Variants in ACTN2 observed in about 807,000 individuals in gnomAD.
ACTN2 encodes alpha-actinin-2.
A neutral mutation model predicts 113.8 loss-of-function variants in ACTN2; 39 were observed. The ratio of observed to expected loss-of-function variants is 0.34; its 90% CI spans 0.27 to 0.45. The LOEUF (loss-of-function observed/expected upper bound fraction) is 0.45. Ranked by LOEUF, ACTN2 falls within the 20% of genes least tolerant of loss-of-function variation. ACTN2 has a pLI of 1.00. For synonymous variants in ACTN2, 429 were observed against 444.1 expected (o/e 0.97, Z 0.43); for missense variants, 992 against 1,177.9 (o/e 0.84, Z 2.31).
intron 11 of ACTN2, among the ~76,000 whole-genome samples, chr1:236,743,795 A>G (rs528620394): frequency 1.3e-5 from 2 of 152,360 alleles, no homozygotes; most frequent in South Asian, 2.1e-4. Context: ...GTTCTGATGC[A>G]TAGCAGCTGT....
Position 236,754,026 on chromosome 1 carries a change from G to T in ACTN2, c.1919G>T (p.Arg640Leu). 1 of 1,614,088 alleles carries T rather than the reference G, an allele frequency of 6.2e-7. No homozygotes were observed. Among genetic ancestry groups the T allele is most frequent in the African/African-American group, 1.3e-5 (1 of 75,056 alleles). The change falls in exon 16 of 21, where the codon CGC (arginine) becomes CTC (leucine). Residue 640 changes from arginine (R) to leucine (L), a missense_variant. Around this residue, in one of 3 missense-constraint regions of ACTN2, gnomAD observed 736 missense variants for 815.4 expected, o/e 0.90. Coordinates refer to ENST00000366578, the MANE Select transcript of ACTN2 (RefSeq NM_001103.4). The surrounding 1 kb of genome is among the most constrained non-coding windows in gnomAD (Gnocchi z 4.9). ...CAGCATGCTAACGAGCGTCTGAGGC[G>T]CCAGTTTGCTGCCCAAGCCAATGCC... ...ARQHANERLR[R>L]QFAAQANAIG...
intron 1 of ACTN2, among the ~76,000 whole-genome samples, chr1:236,688,908 G>T (rs1665969280): frequency 6.6e-6 from 1 of 152,144 alleles, no homozygotes; most frequent in Non-Finnish European, 1.5e-5. Context: ...GATATGCTGG[G>T]TATGAGATCT....
Position 236,710,720 on chromosome 1 carries a change from A to G in ACTN2, c.127-7138A>G, listed in dbSNP as rs531795014. Among the ~76,000 whole-genome samples, 14 of 152,278 alleles carry G rather than the reference A, an allele frequency of 9.2e-5. No homozygotes were observed. In the East Asian group the frequency reaches 9.6e-4, roughly 10 times the overall value. On this transcript the variant is annotated intron_variant, in intron 1 of 20. Transcript: ENST00000366578. ...GCAGAAGCTGCTCCCCATTGCCCGA[A>G]TTACCACCTGAACTCCGCCTCCTGT...
intron 5 of ACTN2, among the ~76,000 whole-genome samples, chr1:236,727,413 T>G (rs951622101): frequency 2.0e-5 from 3 of 152,138 alleles, no homozygotes; most frequent in African/African-American, 7.2e-5. Flanking sequence ...TCTCCCTTCC[T>G]GTCACTGCCT....
At chr1:236,759,688 G>T (rs760353496) in intron 18 of ACTN2, 36 bp from the exon 19 acceptor site, 5 of 1,594,760 alleles carry the variant, frequency 3.1e-6, no homozygotes, top group Non-Finnish European at 4.3e-6. Context: ...ATCTTGCCCT[G>T]TGCTCACCTG....
At chr1:236,696,380 T>A (rs1253788465) in intron 1 of ACTN2, among the ~76,000 whole-genome samples, 1 of 151,968 alleles carries the variant, frequency 6.6e-6, no homozygotes, top group Non-Finnish European at 1.5e-5. Flanking sequence ...AAGCTATGAT[T>A]GAGTTTTGCA....
intron 19 of ACTN2, 91 bp downstream of exon 19, chr1:236,759,880 T>A (rs1405136663): frequency 8.3e-7 from 1 of 1,201,314 alleles, no homozygotes; most frequent in Admixed American, 1.7e-5. Context: ...ACCAAGGTAG[T>A]GCATTTGGGA....
chr1:236,707,488 T>A (rs1487029561), intron 1 of ACTN2, among the ~76,000 whole-genome samples: 1 of 152,198 alleles, frequency 6.6e-6, no homozygotes, highest in Non-Finnish European at 1.5e-5. Flanking sequence ...GAGTAAGATT[T>A]TAGAATGATT....
intron 1 of ACTN2, among the ~76,000 whole-genome samples, chr1:236,698,539 G>A (rs891320683): frequency 2.6e-5 from 4 of 152,140 alleles, no homozygotes; most frequent in Non-Finnish European, 4.4e-5. Flanking sequence ...TGCGTTTTGT[G>A]TTTTATAGAC....
chr1:236,731,394 A>C (rs1160184076), intron 7 of ACTN2, 80 bp downstream of exon 7: 1 of 1,173,006 alleles, frequency 8.5e-7, no homozygotes, highest in African/African-American at 1.5e-5. Flanking sequence ...GGACCTTGCA[A>C]AATTTTATAG....
rs138671175 is a variant in ACTN2 at position 236,750,390 on chromosome 1, C to T, written c.1657-1080C>T. Among the ~76,000 whole-genome samples, 335 of 152,158 alleles carry T rather than the reference C, an allele frequency of 2.2e-3. 1 individual carries two copies. Among genetic ancestry groups the T allele is most frequent in the African/African-American group, 7.6e-3 (316 of 41,522 alleles). On this transcript the variant is annotated intron_variant, in intron 14 of 20. Transcript: ENST00000366578. ...TGGAGTTGCCTTTTGAAAGAGGCTC[C>T]GATGGTGTTTCCTGCGTGCACTCTT...
intron 1 of ACTN2, among the ~76,000 whole-genome samples, chr1:236,708,557 A>T (rs1470932358): frequency 1.3e-5 from 2 of 152,178 alleles, no homozygotes; most frequent in African/African-American, 2.4e-5. Flanking sequence ...TTTAATGTAG[A>T]TGCCAACACT....
chr1:236,721,022 G>C (rs12752366), intron 4 of ACTN2, among the ~76,000 whole-genome samples: 1 of 66,498 alleles, frequency 1.5e-5, no homozygotes, highest in Non-Finnish European at 2.6e-5. Flanking sequence ...TTTGTTTTTT[G>C]TTTTTTTTTT....
At position 236,731,382 on chromosome 1, in the gene ACTN2, T is replaced by C. The variant is rs1158596895; in HGVS notation, c.697+68T>C. ...GACTACAAATGTTATGGCTACACAT[T>C]GGGACCTTGCAAAATTTTATAGCGA... On this transcript the variant is annotated intron_variant, in intron 7 of 20. Coordinates refer to ENST00000366578, the MANE Select transcript of ACTN2 (RefSeq NM_001103.4). 6 of 1,320,814 alleles carry C rather than the reference T, an allele frequency of 4.5e-6. No homozygotes were observed. In the East Asian group the frequency reaches 1.2e-4, roughly 25 times the overall value. 81.8% of individuals were successfully genotyped at this position (1,320,814 alleles called of 1,614,324 possible). A position where few individuals can be genotyped will look rare whatever the true frequency, so the allele number is the denominator to read the frequency against.
intron 1 of ACTN2, among the ~76,000 whole-genome samples, chr1:236,710,329 G>A (rs1219017618): frequency 6.6e-6 from 1 of 152,170 alleles, no homozygotes; most frequent in Admixed American, 6.5e-5. Flanking sequence ...GAATAACACT[G>A]GTTTGTCTCA....
chr1:236,754,185 A>T lies in ACTN2; in HGVS notation c.1974+104A>T. The T allele has an allele frequency of 6.8e-7, 1 of 1,469,884 alleles. No homozygotes were observed. The highest frequency in any genetic ancestry group is 9.4e-7 in the Non-Finnish European group (1 of 1,066,214). 91.1% of individuals were successfully genotyped at this position (1,469,884 alleles called of 1,614,324 possible). A position where few individuals can be genotyped will look rare whatever the true frequency, so the allele number is the denominator to read the frequency against. The stretch of plus-strand genomic sequence containing the variant: ...TGCTGTGGTTTCCAGCCACCCACTC[A>T]GTCAGGTGGGAGCACCGTTCTGTTA... On this transcript the variant is annotated intron_variant, in intron 16 of 20. Transcript: ENST00000366578. The surrounding 1 kb of genome is among the most constrained non-coding windows in gnomAD (Gnocchi z 4.9).
intron 3 of ACTN2, 141 bp downstream of exon 3, chr1:236,719,154 C>A: frequency 8.6e-7 from 1 of 1,167,012 alleles, no homozygotes; most frequent in Non-Finnish European, 1.2e-6. Context: ...TTAGGGCGCT[C>A]GGTGCACAAA....
At chr1:236,691,469 C>T (rs185001492) in intron 1 of ACTN2, among the ~76,000 whole-genome samples, 2 of 151,468 alleles carry the variant, frequency 1.3e-5, no homozygotes, top group Admixed American at 1.3e-4. Context: ...ACAGCAAGAC[C>T]CCGTCTTTGC....
intron 13 of ACTN2, 61 bp downstream of exon 13, chr1:236,747,836 C>G (rs778545726): frequency 4.0e-6 from 5 of 1,247,578 alleles, no homozygotes; most frequent in Non-Finnish European, 5.8e-6. Flanking sequence ...TTAATTAAAT[C>G]ACTGGTATTC....
Sources: allele counts gnomAD v4.1 joint callset (sites outside exome capture counted in the v4.1 genomes callset), GRCh38; gene constraint gnomAD v4.1.1; regional missense constraint gnomAD v4.1.1; non-coding constraint Gnocchi (gnomAD v3.1); transcripts MANE v1.5; gene names NCBI Gene and HGNC (gene_info 2026-07-23, HGNC 2026-07-21).